The following CCDC30 variants were observed in gnomAD, a reference collection of about 807,000 sequenced individuals.
The protein encoded by CCDC30 is coiled-coil domain-containing protein 30.
Under a neutral mutation model 100.2 loss-of-function variants are expected in CCDC30, and 70 were observed. That is an observed-to-expected ratio of 0.70 (90% CI 0.58 to 0.85). CCDC30 has a LOEUF of 0.85. Among genes scored for constraint, CCDC30 ranks in the 40% least tolerant of loss-of-function variants. The pLI is 0.00. For missense variants in CCDC30, 652 were observed against 771.2 expected (o/e 0.85, Z 1.83); for synonymous variants, 233 against 269.5 (o/e 0.86, Z 1.33).
At chr1:42,653,592 A>T in intron 16 of CCDC30, 149 bp downstream of exon 20, 2 of 647,748 alleles carry the variant, frequency 3.1e-6, no homozygotes, top group Non-Finnish European at 5.5e-6. Context: ...AATTATTTGA[A>T]TCTTCTTCCA....
chr1:42,495,812 C>T (rs575839362), intron 4 of CCDC30, among the ~76,000 whole-genome samples: 3 of 152,156 alleles, frequency 2.0e-5, no homozygotes, highest in Admixed American at 1.3e-4. Flanking sequence ...ATAAATAATA[C>T]TAAATTTACA....
intron 6 of CCDC30, among the ~76,000 whole-genome samples, chr1:42,538,628 A>T (rs1443924754): frequency 3.3e-5 from 5 of 152,144 alleles, no homozygotes; most frequent in Non-Finnish European, 4.4e-5. Flanking sequence ...AATTTTTTTT[A>T]AAAAACCACA....
At position 42,477,719 on chromosome 1, in the gene CCDC30, A is replaced by G. The variant is rs542645088; in HGVS notation, c.-91-2742A>G. 2.0e-5 allele frequency among the ~76,000 whole-genome samples: 3 copies of G among 152,330 alleles called. No homozygotes were observed. The South Asian group carries it at 6.2e-4, about 32-fold the overall frequency. On this transcript the variant is annotated intron_variant, in intron 1 of 16. Coordinates refer to ENST00000668663, the Ensembl canonical transcript of CCDC30. ...AATAAATCTGTAAACTGTGAAGGAA[A>G]GAGATAAGCCAGTGGTTGTAGTTCA... is the stretch of plus-strand genomic sequence containing the variant.
chr1:42,592,451 C>T (rs1646205161), intron 10 of CCDC30: 1 of 152,166 alleles, frequency 6.6e-6, no homozygotes, highest in Non-Finnish European at 1.5e-5. Flanking sequence ...TGCCTGTAAT[C>T]CCGGCAGTTT....
At chr1:42,482,600 T>C in intron 2 of CCDC30, 63 bp from the exon 3 acceptor site, 1 of 1,057,030 alleles carries the variant, frequency 9.5e-7, no homozygotes, top group East Asian at 3.2e-5. Flanking sequence ...TAATAGAAAA[T>C]AGCAAAATGT....
At chr1:42,638,081 T>G (rs747849051) in intron 12 of CCDC30, among the ~76,000 whole-genome samples, 1 of 152,234 alleles carries the variant, frequency 6.6e-6, no homozygotes, top group Non-Finnish European at 1.5e-5. Flanking sequence ...ACCATTAATG[T>G]AATTTCAGTG....
chr1:42,581,887 C>T (rs561382062), intron 9 of CCDC30, among the ~76,000 whole-genome samples: 1 of 151,988 alleles, frequency 6.6e-6, no homozygotes, highest in Non-Finnish European at 1.5e-5. Context: ...TACGAGGGGA[C>T]TTCAGAGAGT....
At chr1:42,595,015 G>C (rs1055868849) in intron 10 of CCDC30, 2 of 140,700 alleles carry the variant, frequency 1.4e-5, no homozygotes, top group Non-Finnish European at 3.1e-5. Flanking sequence ...AGGTAATTTC[G>C]CTGTTTTTTT....
At chr1:42,536,506 A>G in intron 6 of CCDC30, 1 of 1,609,102 alleles carries the variant, frequency 6.2e-7, no homozygotes, top group Non-Finnish European at 8.5e-7. Context: ...AAAAAATGAA[A>G]TGTTTGAAAG....
chr1:42,480,608 A>G (rs1408075561), intron 2 of CCDC30, 42 bp downstream of exon 2: 2 of 985,074 alleles, frequency 2.0e-6, no homozygotes, highest in Non-Finnish European at 2.4e-6. Context: ...TTTGTTCATG[A>G]AGACTGATTT....
chr1:42,553,395 T>C (rs886067443), intron 6 of CCDC30, among the ~76,000 whole-genome samples: 44 of 152,158 alleles, frequency 2.9e-4, no homozygotes, highest in African/African-American at 8.9e-4. Context: ...GTTTTATATA[T>C]AATGTTCAGA....
At chr1:42,541,551 A>G (rs1237045434) in intron 6 of CCDC30, among the ~76,000 whole-genome samples, 3 of 152,186 alleles carry the variant, frequency 2.0e-5, no homozygotes, top group Non-Finnish European at 4.4e-5. Context: ...GAGACATGAC[A>G]TTTTTGTTCT....
intron 6 of CCDC30, among the ~76,000 whole-genome samples, chr1:42,547,212 A>G (rs1404390610): frequency 2.0e-5 from 3 of 152,244 alleles, no homozygotes; most frequent in Non-Finnish European, 2.9e-5. Context: ...AAGCAACATC[A>G]CAGCATTTAG....
intron 7 of CCDC30, among the ~76,000 whole-genome samples, chr1:42,572,897 C>T (rs758892074): frequency 2.0e-5 from 3 of 152,156 alleles, no homozygotes; most frequent in Non-Finnish European, 2.9e-5. Flanking sequence ...GGATTACAGG[C>T]GTGAGCCACC....
chr1:42,519,656 A>G (rs544854756), intron 6 of CCDC30, among the ~76,000 whole-genome samples: 2 of 152,136 alleles, frequency 1.3e-5, no homozygotes, highest in Non-Finnish European at 2.9e-5. Flanking sequence ...GGTTCAAGCA[A>G]TTCTCCTGCC....
chr1:42,531,695 A>G (rs1644808739), intron 6 of CCDC30, among the ~76,000 whole-genome samples: 1 of 152,206 alleles, frequency 6.6e-6, no homozygotes, highest in Non-Finnish European at 1.5e-5. Context: ...CGAGAGACAG[A>G]GGTTGCAGTG....
chr1:42,574,368 A>G (rs1001609214), intron 7 of CCDC30, among the ~76,000 whole-genome samples: 26 of 151,712 alleles, frequency 1.7e-4, no homozygotes, highest in Middle Eastern at 3.4e-3. Context: ...TTTCATTTAA[A>G]TTTTTTAAAG....
At chr1:42,598,262 A>C (rs1423808404) in intron 10 of CCDC30, among the ~76,000 whole-genome samples, 1 of 152,046 alleles carries the variant, frequency 6.6e-6, no homozygotes, top group Non-Finnish European at 1.5e-5. Context: ...CATACCTGTA[A>C]TCCCAGCACT....
At chr1:42,559,769 C>T (rs1392827732) in intron 6 of CCDC30, among the ~76,000 whole-genome samples, 4 of 152,176 alleles carry the variant, frequency 2.6e-5, no homozygotes, top group Admixed American at 1.3e-4. Context: ...AGGACTTGAA[C>T]TCTGCTCTGG....
Sources: gnomAD v4.1 joint callset for allele counts (sites outside exome capture counted in the v4.1 genomes callset) on GRCh38, gnomAD v4.1.1 for gene constraint, MANE v1.5 for transcripts, NCBI Gene and HGNC (gene_info 2026-07-23, HGNC 2026-07-21) for gene names.